CERS6: variants seen among roughly 807,000 people sequenced by gnomAD.
CERS6 encodes ceramide synthase 6.
CERS6 carries 26 observed loss-of-function variants against 56.8 expected under a neutral mutation model. The observed-to-expected ratio is 0.46, with a 90% CI of 0.34 to 0.63. The LOEUF is 0.63. CERS6 is among the 30% of genes least tolerant of loss of function. CERS6 has a pLI of 0.01. For missense variants in CERS6, 415 were observed against 467.5 expected, an observed-to-expected ratio of 0.89 and a Z score of 1.04; for synonymous variants, 164 against 173.3, an observed-to-expected ratio of 0.95 and a Z score of 0.42.
intron 1 of CERS6, among the ~76,000 whole-genome samples, chr2:168,462,897 A>G (rs1332648402): frequency 3.9e-5 from 6 of 152,170 alleles, no homozygotes; most frequent in African/African-American, 1.4e-4. Context: ...GATTGGATGC[A>G]TGGTCTGAAG....
At chr2:168,591,281 T>G (rs568222661) in intron 3 of CERS6, among the ~76,000 whole-genome samples, 3 of 152,272 alleles carry the variant, frequency 2.0e-5, no homozygotes, top group Admixed American at 1.3e-4. Context: ...TTGTTAGTGC[T>G]ATTTCTCTTT....
At chr2:168,723,726 T>C (rs1158986596) in intron 8 of CERS6, among the ~76,000 whole-genome samples, 3 of 152,230 alleles carry the variant, frequency 2.0e-5, no homozygotes, top group Admixed American at 6.5e-5. Flanking sequence ...GTGATGGTAA[T>C]CTTTGTAGAA....
chr2:168,745,542 A>G (rs6759788), intron 8 of CERS6, among the ~76,000 whole-genome samples: 4,131 of 152,236 alleles, frequency 0.027, 191 homozygotes, highest in African/African-American at 0.094. Context: ...CGCCTGGCCA[A>G]ATATTTTTAA....
chr2:168,594,399 A>T (rs1683745959), intron 3 of CERS6, among the ~76,000 whole-genome samples: 1 of 152,164 alleles, frequency 6.6e-6, no homozygotes, highest in Non-Finnish European at 1.5e-5. Context: ...AGCCTGTGCA[A>T]CATAGGGAGA....
intron 2 of CERS6, among the ~76,000 whole-genome samples, chr2:168,550,896 A>G (rs1445266653): frequency 6.6e-6 from 1 of 152,180 alleles, no homozygotes; most frequent in Admixed American, 6.5e-5. Flanking sequence ...TGAAGGCAGC[A>G]GCAGTCACTA....
chr2:168,744,977 A>G (rs1359411619), intron 8 of CERS6, among the ~76,000 whole-genome samples: 1 of 152,206 alleles, frequency 6.6e-6, no homozygotes, highest in East Asian at 1.9e-4. Flanking sequence ...GATATGTGGC[A>G]AGCGGCATTG....
At chr2:168,505,951 T>C (rs1694670031) in intron 1 of CERS6, among the ~76,000 whole-genome samples, 1 of 152,198 alleles carries the variant, frequency 6.6e-6, no homozygotes, top group Non-Finnish European at 1.5e-5. Context: ...CTCCTTAGAT[T>C]GGGCCTGCTA....
At chr2:168,481,274 G>A (rs549131351) in intron 1 of CERS6, among the ~76,000 whole-genome samples, 3 of 152,250 alleles carry the variant, frequency 2.0e-5, no homozygotes, top group Non-Finnish European at 2.9e-5. Context: ...AATTTGTCAG[G>A]CGTGGTGGCT....
intron 4 of CERS6, among the ~76,000 whole-genome samples, chr2:168,649,731 T>A (rs879294986): frequency 6.6e-5 from 10 of 152,086 alleles, no homozygotes; most frequent in Non-Finnish European, 1.3e-4. Context: ...AAGTCTTTGT[T>A]CACATTCCAT....
chr2:168,685,146 G>A (rs1686315362), intron 4 of CERS6, among the ~76,000 whole-genome samples: 1 of 152,184 alleles, frequency 6.6e-6, no homozygotes, highest in Non-Finnish European at 1.5e-5. Flanking sequence ...CTAGGTAAGA[G>A]TTTTCACGGA....
chr2:168,769,001 C>CA (rs1387315405), intron 9 of CERS6, among the ~76,000 whole-genome samples: 1 of 147,652 alleles, frequency 6.8e-6, no homozygotes, highest in Non-Finnish European at 1.5e-5. Context: ...TTATAGCATA[C>CA]AAAAAATAGA....
chr2:168,585,811 A>G (rs1212429007), intron 3 of CERS6, among the ~76,000 whole-genome samples: 2 of 152,218 alleles, frequency 1.3e-5, no homozygotes, highest in Non-Finnish European at 2.9e-5. Flanking sequence ...GGTCCTTCAC[A>G]AATCTTGGGC....
At chr2:168,497,092 C>T (rs1226738858) in intron 1 of CERS6, among the ~76,000 whole-genome samples, 2 of 152,142 alleles carry the variant, frequency 1.3e-5, no homozygotes, top group Non-Finnish European at 2.9e-5. Flanking sequence ...CTTTGAACCA[C>T]AGTTTATAGG....
chr2:168,553,784 T>A (rs1416109738), intron 2 of CERS6, among the ~76,000 whole-genome samples: 1 of 152,176 alleles, frequency 6.6e-6, no homozygotes, highest in Non-Finnish European at 1.5e-5. Flanking sequence ...ATCTAAGGAA[T>A]GGTGACAGAC....
intron 3 of CERS6, among the ~76,000 whole-genome samples, chr2:168,570,649 G>A (rs544457780): frequency 2.0e-5 from 3 of 152,238 alleles, no homozygotes; most frequent in Admixed American, 6.5e-5. Flanking sequence ...GTTACCTCCT[G>A]TGTGCAGGAG....
chr2:168,620,378 T>C (rs977222687), intron 3 of CERS6, among the ~76,000 whole-genome samples: 9 of 152,076 alleles, frequency 5.9e-5, no homozygotes, highest in African/African-American at 1.9e-4. Flanking sequence ...CTAAAGAACT[T>C]ACTCATGTAA....
At position 168,724,492 on chromosome 2, in the gene CERS6, G is replaced by A. The variant is rs182846705; in HGVS notation, c.845+6514G>A. On this transcript the variant is annotated intron_variant, in intron 8 of 9. Coordinates refer to ENST00000305747, the MANE Select transcript of CERS6 (RefSeq NM_203463.3). The stretch of plus-strand genomic sequence containing the variant: ...CCACATCGTGCTGATTGGTAGAGCC[G>A]AGTGGTCTGTTTTGAGAGGGCGCTG... Among the ~76,000 whole-genome samples, 327 of 152,224 alleles carry A rather than the reference G, an allele frequency of 2.1e-3. 1 individual carries two copies. Among genetic ancestry groups the A allele is most frequent in the Non-Finnish European group, 3.5e-3 (240 of 68,022 alleles).
intron 8 of CERS6, among the ~76,000 whole-genome samples, chr2:168,741,549 A>C (rs1252733784): frequency 3.3e-5 from 5 of 152,184 alleles, no homozygotes; most frequent in African/African-American, 1.2e-4. Context: ...ACAATGTTTT[A>C]AGAAAGTTTA....
rs538610228 is a variant in CERS6, at chr2:168,531,581, G to A, written c.171-16015G>A. On this transcript the variant is annotated intron_variant, in intron 1 of 9. Transcript: ENST00000305747. ...TCACGTCTGTAATCCCAGCACTTTG[G>A]GAGGCCAAGGCGGGTGGATCACCTG... 1.8e-4 allele frequency among the ~76,000 whole-genome samples: 28 copies of A among 152,228 alleles called. No individual in the cohort carries two copies. In the South Asian group the frequency reaches 3.3e-3, roughly 18 times the overall value.
Sources: allele counts gnomAD v4.1 joint callset (sites outside exome capture counted in the v4.1 genomes callset), GRCh38; gene constraint gnomAD v4.1.1; transcripts MANE v1.5; gene names NCBI Gene and HGNC (gene_info 2026-07-23, HGNC 2026-07-21).